Variants in CDK5RAP1 observed in about 807,000 individuals in gnomAD.
CDK5RAP1 encodes CDK5RAP1 mitochondrial tRNA methylthiotransferase.
CDK5RAP1 carries 62 observed loss-of-function variants against 64.5 expected under a neutral mutation model. The observed-to-expected ratio is 0.96, with a 90% confidence interval of 0.78 to 1.19. The LOEUF is 1.19. Ranked by LOEUF, CDK5RAP1 falls within the 50% of genes most tolerant of loss-of-function variation. The pLI is 0.00. For synonymous variants in CDK5RAP1, 250 were observed against 261.9 expected, an observed-to-expected ratio of 0.95 and a Z score of 0.44; for missense variants, 657 against 735.0, an observed-to-expected ratio of 0.89 and a Z score of 1.23.
At chr20:33,365,162 C>G (rs930268961) in intron 12 of CDK5RAP1, among the ~76,000 whole-genome samples, 1 of 152,098 alleles carries the variant, frequency 6.6e-6, no homozygotes, top group Non-Finnish European at 1.5e-5. Flanking sequence ...TTCCAAAGTG[C>G]TAGGATCACA....
rs552577642 is a variant in CDK5RAP1, at chr20:33,385,760, G to A, written c.766C>T (p.Arg256Ter). 2.4e-5 allele frequency: 39 copies of A among 1,611,948 alleles called. No individual in the cohort carries two copies. Among genetic ancestry groups the A allele is most frequent in the East Asian group, 1.8e-4 (8 of 44,888 alleles). The change falls in exon 7 of 14, where the codon CGA (arginine) becomes TGA (stop). Residue 256 changes from arginine to a stop codon, truncating the protein, a stop_gained. Coordinates refer to ENST00000346416, the MANE Select transcript of CDK5RAP1 (RefSeq NM_016408.4). LOFTEE classifies it high-confidence loss of function. ...SATSAFVSIM[R>*]GCDNMCSYCI... ...TAGCTACACATGTTGTCACAGCCTC[G>A]CATGATTGACCTGGAGAAGAAAGTA...
chr20:33,369,244 G>A (rs1369194367), intron 11 of CDK5RAP1, among the ~76,000 whole-genome samples: 1 of 152,178 alleles, frequency 6.6e-6, no homozygotes, highest in Non-Finnish European at 1.5e-5. Context: ...AGCACTTTGG[G>A]AGGCCGAGGC....
At chr20:33,363,049 T>C (rs1282890691) in intron 12 of CDK5RAP1, among the ~76,000 whole-genome samples, 1 of 152,216 alleles carries the variant, frequency 6.6e-6, no homozygotes, top group Non-Finnish European at 1.5e-5. Flanking sequence ...GCATCATCAG[T>C]AATGAGACAA....
Position 33,379,348 on chromosome 20 carries a change from C to A in CDK5RAP1, c.1107+113G>T, listed in dbSNP as rs553477411. ...GATCTGGAGGGTGATGCAGCAATAC[C>A]CCACAGGATCCCTAAGCAGGACTCC... is the stretch of plus-strand genomic sequence containing the variant. On this transcript the variant is annotated intron_variant, in intron 8 of 13. Coordinates refer to ENST00000346416, the MANE Select transcript of CDK5RAP1 (RefSeq NM_016408.4). 10 of 704,640 alleles carry A rather than the reference C, an allele frequency of 1.4e-5. No homozygotes were observed. The South Asian group carries it at 1.6e-4, about 11-fold the overall frequency. The allele number at this position is 704,640 out of a possible 1,614,324, so 43.6% of individuals were successfully genotyped here.
intron 8 of CDK5RAP1, among the ~76,000 whole-genome samples, chr20:33,378,057 TA>T (rs1986240280): frequency 6.6e-6 from 1 of 152,214 alleles, no homozygotes; most frequent in African/African-American, 2.4e-5. Context: ...CCTTTGCATT[TA>T]CAACTTGGCT....
At chr20:33,396,351 A>G (rs894692976) in intron 2 of CDK5RAP1, among the ~76,000 whole-genome samples, 5 of 152,222 alleles carry the variant, frequency 3.3e-5, no homozygotes, top group African/African-American at 1.2e-4. Context: ...CCAGACTCCA[A>G]TAAATTCCAA....
At chr20:33,373,976 G>A in intron 9 of CDK5RAP1, 139 bp downstream of exon 9, 1 of 688,906 alleles carries the variant, frequency 1.5e-6, no homozygotes. Flanking sequence ...GTGCCCAGTG[G>A]CTTAGTCATA....
Position 33,379,457 on chromosome 20 carries a change from T to C in CDK5RAP1, c.1107+4A>G, listed in dbSNP as rs1488118667. ...CAGTTTGTCACAGCTAACCTGACGC[T>C]CACCTCATCAGGAAAATCCTTGGGG... is the stretch of plus-strand genomic sequence containing the variant. On this transcript the variant is annotated splice_donor_region_variant and intron_variant, in intron 8 of 13. Coordinates refer to ENST00000346416, the MANE Select transcript of CDK5RAP1 (RefSeq NM_016408.4). The C allele has an allele frequency of 6.3e-7, 1 of 1,593,354 alleles. No individual in the cohort carries two copies. The highest frequency in any genetic ancestry group is 8.6e-7 in the Non-Finnish European group (1 of 1,161,134).
At chr20:33,362,591 A>T (rs953390938) in intron 12 of CDK5RAP1, among the ~76,000 whole-genome samples, 2 of 152,206 alleles carry the variant, frequency 1.3e-5, no homozygotes, top group African/African-American at 4.8e-5. Flanking sequence ...GTAAATACAG[A>T]CTTTCTCTCA....
chr20:33,384,381 T>C (rs1161047602), intron 7 of CDK5RAP1, among the ~76,000 whole-genome samples: 3 of 152,200 alleles, frequency 2.0e-5, no homozygotes, highest in Admixed American at 2.0e-4. Context: ...TTAAACAGAA[T>C]GTCTCTATCC....
chr20:33,380,683 C>T (rs966034797), intron 7 of CDK5RAP1, among the ~76,000 whole-genome samples: 2 of 152,064 alleles, frequency 1.3e-5, no homozygotes, highest in African/African-American at 4.8e-5. Flanking sequence ...TTCTATTATA[C>T]TAGTCTTTCT....
chr20:33,363,227 TCAAA>T (rs1024642210), intron 12 of CDK5RAP1, among the ~76,000 whole-genome samples: 3 of 152,100 alleles, frequency 2.0e-5, no homozygotes, highest in Admixed American at 1.3e-4. Flanking sequence ...GTCATGGAAG[TCAAA>T]GAAATAATGA....
In CDK5RAP1 at chr20:33,387,396, G is replaced by A; in HGVS notation, c.682C>T (p.Leu228=). 1 of 1,614,182 alleles carries A rather than the reference G, an allele frequency of 6.2e-7. No individual in the cohort carries two copies. Among genetic ancestry groups the A allele is most frequent in the South Asian group, 1.1e-5 (1 of 91,082 alleles). ...AESGQQAANV[L]LSLDETYADV... ...GCATAGGTCTCGTCCAGAGAGAGCA[G>A]CACGTTGGCAGCTTGCTGGCCCGAC... Residue 228 remains leucine (L), a synonymous_variant, in exon 6 of 14, where the codon CTG becomes TTG. Transcript: ENST00000346416.
At chr20:33,366,611 C>CA (rs1984011768) in intron 12 of CDK5RAP1, among the ~76,000 whole-genome samples, 1 of 151,906 alleles carries the variant, frequency 6.6e-6, no homozygotes, top group African/African-American at 2.4e-5. Context: ...GACTCCGTCT[C>CA]AAAAAAAGAA....
intron 2 of CDK5RAP1, among the ~76,000 whole-genome samples, chr20:33,395,772 G>A (rs1988844468): frequency 6.6e-6 from 1 of 152,190 alleles, no homozygotes; most frequent in Admixed American, 6.5e-5. Context: ...CAGCACTTTG[G>A]GAGGCCAAGG....
chr20:33,385,233 T>C (rs1012260719), intron 7 of CDK5RAP1, among the ~76,000 whole-genome samples: 3 of 152,230 alleles, frequency 2.0e-5, no homozygotes, highest in East Asian at 1.9e-4. Context: ...GAGTTTTTCC[T>C]GGAAGAGACA....
chr20:33,391,951 A>G (rs911601582), intron 5 of CDK5RAP1, among the ~76,000 whole-genome samples, 191 bp downstream of exon 5: 1 of 152,222 alleles, frequency 6.6e-6, no homozygotes, highest in South Asian at 2.1e-4. Flanking sequence ...ACTTCAAGGA[A>G]CTACGGAAAG....
intron 4 of CDK5RAP1, among the ~76,000 whole-genome samples, chr20:33,392,810 CT>C (rs922142894): frequency 1.9e-4 from 28 of 146,498 alleles, no homozygotes; most frequent in South Asian, 2.2e-4. Context: ...TGCCCTTCAA[CT>C]TTTTTTTTTT....
chr20:33,362,711 G>A (rs1983169144), intron 12 of CDK5RAP1, among the ~76,000 whole-genome samples: 1 of 152,186 alleles, frequency 6.6e-6, no homozygotes, highest in Non-Finnish European at 1.5e-5. Context: ...GGAAGGGACA[G>A]AAGTATATCA....
Sources: gnomAD v4.1 joint callset for allele counts (sites outside exome capture counted in the v4.1 genomes callset) on GRCh38, gnomAD v4.1.1 for gene constraint, MANE v1.5 for transcripts, NCBI Gene and HGNC (gene_info 2026-07-23, HGNC 2026-07-21) for gene names.